AP4E1: variants seen among roughly 807,000 people sequenced by gnomAD.
AP4E1 encodes AP-4 complex subunit epsilon-1.
AP4E1 carries 56 observed loss-of-function variants against 128.2 expected under a neutral mutation model. The observed-to-expected ratio is 0.44, with a 90% CI of 0.35 to 0.55. The LOEUF is 0.55. AP4E1 is among the 20% of genes least tolerant of loss of function. The pLI, the probability that AP4E1 is intolerant of heterozygous loss-of-function variation, is 0.00. For missense variants in AP4E1, 1,324 were observed against 1,307.7 expected, an observed-to-expected ratio of 1.01 and a Z score of -0.19; for synonymous variants, 484 against 473.1, an observed-to-expected ratio of 1.02 and a Z score of -0.30.
chr15:50,930,746 A>G, intron 6 of AP4E1, 59 bp from the exon 7 acceptor site: 1 of 1,521,624 alleles, frequency 6.6e-7, no homozygotes. Context: ...CATTTCAATT[A>G]GGTCTATTTC....
At chr15:50,985,345 T>A (rs916919989) in intron 16 of AP4E1, among the ~76,000 whole-genome samples, 1 of 152,236 alleles carries the variant, frequency 6.6e-6, no homozygotes, top group African/African-American at 2.4e-5. Flanking sequence ...TGGCTTTTGT[T>A]GCCATTGCTT....
At chr15:50,932,398 A>G (rs544086124) in intron 7 of AP4E1, among the ~76,000 whole-genome samples, 4 of 152,226 alleles carry the variant, frequency 2.6e-5, no homozygotes, top group African/African-American at 9.6e-5. Flanking sequence ...TATCATTCTC[A>G]TTCTCTGTGT....
chr15:50,939,211 G>T (rs2063950217), intron 8 of AP4E1, among the ~76,000 whole-genome samples: 1 of 152,094 alleles, frequency 6.6e-6, no homozygotes, highest in Non-Finnish European at 1.5e-5. Context: ...GGTGGCTCAT[G>T]CCTGTAATCC....
At chr15:50,973,615 C>T (rs925558205) in intron 15 of AP4E1, among the ~76,000 whole-genome samples, 1 of 152,190 alleles carries the variant, frequency 6.6e-6, no homozygotes, top group Non-Finnish European at 1.5e-5. Flanking sequence ...CAGTCCATTC[C>T]TCAATCCTAT....
chr15:50,908,717 G>C lies in AP4E1; in HGVS notation c.-62G>C. ...GGAGGCCGGGCCGGCAGCGGCGGCC[G>C]GGCATGAAGCCGGGCGGCTACGGGA... On this transcript the variant is annotated 5_prime_UTR_variant, in exon 1 of 21. Coordinates refer to ENST00000261842, the MANE Select transcript of AP4E1 (RefSeq NM_007347.5). 7.1e-7 allele frequency: 1 copy of C among 1,407,302 alleles called. No homozygotes were observed. Among genetic ancestry groups the C allele is most frequent in the Non-Finnish European group, 9.2e-7 (1 of 1,082,242 alleles). The allele number at this position is 1,407,302 out of a possible 1,614,324, so 87.2% of individuals were successfully genotyped here.
At chr15:50,928,941 T>C in intron 5 of AP4E1, 68 bp from the exon 6 acceptor site, 1 of 1,493,444 alleles carries the variant, frequency 6.7e-7, no homozygotes, top group Non-Finnish European at 9.3e-7. Flanking sequence ...TCATCTGGCC[T>C]ATAATCTTTC....
At chr15:50,961,296 CACA>C (rs1244902814) in intron 14 of AP4E1, among the ~76,000 whole-genome samples, 1 of 151,776 alleles carries the variant, frequency 6.6e-6, no homozygotes, top group African/African-American at 2.4e-5. Context: ...TAGACAAGGA[CACA>C]ACAACAATAA....
chr15:50,944,038 C>T (rs901919338), intron 10 of AP4E1, among the ~76,000 whole-genome samples: 7 of 152,100 alleles, frequency 4.6e-5, no homozygotes, highest in Non-Finnish European at 7.4e-5. Flanking sequence ...ACTTAAAAAT[C>T]AGAGTCAAAG....
At chr15:50,935,057 C>T (rs1026759005) in intron 8 of AP4E1, among the ~76,000 whole-genome samples, 3 of 151,920 alleles carry the variant, frequency 2.0e-5, no homozygotes, top group South Asian at 2.1e-4. Context: ...ATAAATCAAT[C>T]GACTAGTTGT....
rs570488459 is a variant in AP4E1 at position 50,936,890 on chromosome 15, A to G, written c.943+2193A>G. Among the ~76,000 whole-genome samples the G allele has an allele frequency of 4.6e-5, 7 of 152,296 alleles. No individual in the cohort carries two copies. The South Asian group carries it at 1.5e-3, about 32-fold the overall frequency. On this transcript the variant is annotated intron_variant, in intron 8 of 20. Coordinates refer to ENST00000261842, the MANE Select transcript of AP4E1 (RefSeq NM_007347.5). ...GGGAGGCAGAGGTTACAGTGAGCCA[A>G]GATCATGCCACTGCACTCTAGCCTT...
chr15:50,934,541 C>T (rs1172739001), intron 7 of AP4E1, 83 bp from the exon 8 acceptor site: 2 of 854,608 alleles, frequency 2.3e-6, no homozygotes, highest in Non-Finnish European at 3.9e-6. Flanking sequence ...TGTAGATCCT[C>T]AGTTTTAAAG....
intron 10 of AP4E1, 105 bp downstream of exon 10, chr15:50,941,880 C>T (rs531696059): frequency 4.7e-5 from 38 of 808,132 alleles, no homozygotes; most frequent in African/African-American, 1.6e-4. Context: ...TATGTTTGCT[C>T]GTGTGTATAT....
At chr15:50,965,600 A>G (rs1013069914) in intron 14 of AP4E1, among the ~76,000 whole-genome samples, 1 of 152,218 alleles carries the variant, frequency 6.6e-6, no homozygotes, top group Non-Finnish European at 1.5e-5. Flanking sequence ...AGGACAAGCT[A>G]TGGAGGAAGG....
At chr15:51,000,321 T>G (rs545555816) in intron 19 of AP4E1, among the ~76,000 whole-genome samples, 7 of 151,978 alleles carry the variant, frequency 4.6e-5, no homozygotes, top group Non-Finnish European at 1.0e-4. Flanking sequence ...TTGTGTTTTT[T>G]GTAGAGATAG....
rs1353833873 is a variant in AP4E1, at chr15:51,005,205, A to C, written c.*2543A>C. Reference sequence around the variant, plus strand: ...CCGGCCAAATTATTTTTGTGGGTAGATTCATTCTCTTTACCTAATAGTCAT... The same window carrying C: ...CCGGCCAAATTATTTTTGTGGGTAGCTTCATTCTCTTTACCTAATAGTCAT... On this transcript the variant is annotated 3_prime_UTR_variant, in exon 21 of 21. Coordinates refer to ENST00000261842, the MANE Select transcript of AP4E1 (RefSeq NM_007347.5). 2 of 152,308 alleles carry C rather than the reference A, an allele frequency of 1.3e-5. No individual in the cohort carries two copies. Among genetic ancestry groups the C allele is most frequent in the African/African-American group, 4.8e-5 (2 of 41,462 alleles). The allele number at this position is 152,308 out of a possible 1,614,324, so 9.4% of individuals were successfully genotyped here.
intron 13 of AP4E1, among the ~76,000 whole-genome samples, chr15:50,956,473 T>C (rs116901461): frequency 0.018 from 2,689 of 152,188 alleles, 30 homozygotes; most frequent in Non-Finnish European, 0.027. Flanking sequence ...TATGAAGAAA[T>C]ATCCGAGACT....
chr15:50,908,060 G>C (rs1284085274), upstream of AP4E1, among the ~76,000 whole-genome samples: 3 of 152,198 alleles, frequency 2.0e-5, no homozygotes, highest in African/African-American at 7.2e-5. Flanking sequence ...CTGAGGAGGA[G>C]TCGGCAAGGG....
intron 14 of AP4E1, among the ~76,000 whole-genome samples, chr15:50,963,677 G>A (rs58355375): frequency 0.046 from 7,044 of 152,180 alleles, 163 homozygotes; most frequent in African/African-American, 0.071. Context: ...AGTAATAATT[G>A]TATAGTATTT....
At chr15:50,914,289 G>A (rs1397491095) in intron 2 of AP4E1, among the ~76,000 whole-genome samples, 3 of 151,978 alleles carry the variant, frequency 2.0e-5, no homozygotes, top group African/African-American at 7.3e-5. Flanking sequence ...CAATTTTACT[G>A]TTTCCTGAGC....
Sources: gnomAD v4.1 joint callset for allele counts (sites outside exome capture counted in the v4.1 genomes callset) on GRCh38, gnomAD v4.1.1 for gene constraint, MANE v1.5 for transcripts, NCBI Gene and HGNC (gene_info 2026-07-23, HGNC 2026-07-21) for gene names.